The following GPC5 variants were observed in gnomAD, a reference collection of about 807,000 sequenced individuals.
The protein encoded by GPC5 is glypican 5, also known as glypican-5.
GPC5 carries 47 observed loss-of-function variants against 53.9 expected under a neutral mutation model. The observed-to-expected ratio is 0.87, with a 90% confidence interval of 0.69 to 1.11. The LOEUF is 1.11. Among genes scored for constraint, GPC5 ranks in the 50% most tolerant of loss-of-function variants. The pLI, the probability that GPC5 is intolerant of heterozygous loss-of-function variation, is 0.00. For synonymous variants in GPC5, 286 were observed against 263.3 expected (o/e 1.09, Z -0.84); for missense variants, 748 against 713.1 (o/e 1.05, Z -0.56).
chr13:92,148,279 G>A (rs975880320), intron 7 of GPC5, among the ~76,000 whole-genome samples: 1 of 151,968 alleles, frequency 6.6e-6, no homozygotes, highest in African/African-American at 2.4e-5. Flanking sequence ...TACTTGAACT[G>A]ATTTTCTGTG....
intron 7 of GPC5, among the ~76,000 whole-genome samples, chr13:92,459,133 A>C (rs1878385584): frequency 6.6e-6 from 1 of 152,196 alleles, no homozygotes; most frequent in Non-Finnish European, 1.5e-5. Flanking sequence ...TATCAAAGTG[A>C]AACAGATTTG....
At chr13:91,946,063 G>T (rs762734767) in intron 6 of GPC5, among the ~76,000 whole-genome samples, 6 of 152,022 alleles carry the variant, frequency 3.9e-5, no homozygotes, top group Admixed American at 3.3e-4. Context: ...GTATTTGCTT[G>T]TGAGTCTCTA....
chr13:92,118,431 T>TTC (rs1202327979), intron 6 of GPC5, among the ~76,000 whole-genome samples: 1 of 152,144 alleles, frequency 6.6e-6, no homozygotes, highest in Non-Finnish European at 1.5e-5. Context: ...ATGAGAGAGA[T>TTC]TCTCTCTCTC....
At chr13:91,619,695 G>T (rs1466925833) in intron 2 of GPC5, among the ~76,000 whole-genome samples, 1 of 152,112 alleles carries the variant, frequency 6.6e-6, no homozygotes, top group Admixed American at 6.6e-5. Flanking sequence ...ATCTGTATAA[G>T]AATGTGTGAA....
intron 2 of GPC5, among the ~76,000 whole-genome samples, chr13:91,595,265 C>T (rs951662447): frequency 2.6e-5 from 4 of 152,046 alleles, no homozygotes; most frequent in South Asian, 2.1e-4. Flanking sequence ...CCACCTGCCT[C>T]GGCCTTCCAA....
chr13:92,532,420 A>G (rs920105052), intron 7 of GPC5, among the ~76,000 whole-genome samples: 2 of 152,208 alleles, frequency 1.3e-5, no homozygotes, highest in Non-Finnish European at 2.9e-5. Flanking sequence ...CATGCAGTAG[A>G]TTTCAATGAA....
intron 6 of GPC5, among the ~76,000 whole-genome samples, chr13:92,119,042 C>T (rs1334301362): frequency 6.6e-6 from 1 of 152,200 alleles, no homozygotes; most frequent in African/African-American, 2.4e-5. Flanking sequence ...ATACTCAAGA[C>T]TGGGTAATTT....
intron 2 of GPC5, among the ~76,000 whole-genome samples, chr13:91,490,871 CT>C (rs1191890261): frequency 9.2e-5 from 14 of 152,100 alleles, no homozygotes; most frequent in African/African-American, 3.4e-4. Flanking sequence ...CTCTATAGCA[CT>C]TCACCTTTTG....
chr13:92,133,039 ATTTTC>A (rs2041757231), intron 6 of GPC5, among the ~76,000 whole-genome samples: 2 of 152,024 alleles, frequency 1.3e-5, no homozygotes. Context: ...AACAAGATTG[ATTTTC>A]TTTTAAGGTC....
At chr13:92,604,228 T>G (rs1393882880) in intron 7 of GPC5, among the ~76,000 whole-genome samples, 1 of 152,182 alleles carries the variant, frequency 6.6e-6, no homozygotes, top group East Asian at 1.9e-4. Context: ...AACATTTCTT[T>G]TGGATAAAAA....
At chr13:91,908,643 T>A (rs1232649177) in intron 6 of GPC5, among the ~76,000 whole-genome samples, 1 of 152,116 alleles carries the variant, frequency 6.6e-6, no homozygotes, top group African/African-American at 2.4e-5. Flanking sequence ...AAATGAAGCA[T>A]GAGCATATTT....
At chr13:91,819,932 A>T (rs2038464240) in intron 5 of GPC5, among the ~76,000 whole-genome samples, 1 of 152,176 alleles carries the variant, frequency 6.6e-6, no homozygotes, top group Admixed American at 6.5e-5. Flanking sequence ...TTAACAACTC[A>T]GTGAGTTTGA....
intron 7 of GPC5, among the ~76,000 whole-genome samples, chr13:92,480,618 T>A (rs1021786159): frequency 2.0e-5 from 3 of 152,220 alleles, no homozygotes; most frequent in Non-Finnish European, 4.4e-5. Flanking sequence ...GGTCGCAAGA[T>A]GACAGATTAT....
chr13:91,507,140 C>T (rs1034371315), intron 2 of GPC5, among the ~76,000 whole-genome samples: 1 of 152,012 alleles, frequency 6.6e-6, no homozygotes. Context: ...CTTCTCATAG[C>T]TCTGGAGGCT....
chr13:92,589,097 T>C (rs921137892), intron 7 of GPC5, among the ~76,000 whole-genome samples: 4 of 152,180 alleles, frequency 2.6e-5, no homozygotes, highest in Non-Finnish European at 5.9e-5. Context: ...CTCAGTGAAG[T>C]AAATGTTTCT....
At chr13:92,658,467 C>T (rs1248541753) in intron 7 of GPC5, among the ~76,000 whole-genome samples, 1 of 152,214 alleles carries the variant, frequency 6.6e-6, no homozygotes, top group African/African-American at 2.4e-5. Flanking sequence ...CCTGTTCCAG[C>T]ACTGGACAGC....
At chr13:92,093,968 T>G (rs376082787) in intron 6 of GPC5, among the ~76,000 whole-genome samples, 5 of 152,182 alleles carry the variant, frequency 3.3e-5, no homozygotes, top group Admixed American at 3.3e-4. Context: ...TTTTAGATGA[T>G]TATAAGTTGA....
chr13:92,146,604 T>A (rs979248400), intron 7 of GPC5, among the ~76,000 whole-genome samples: 2 of 152,088 alleles, frequency 1.3e-5, no homozygotes, highest in Admixed American at 6.6e-5. Flanking sequence ...TTTGGGTACA[T>A]CCATCATCTG....
chr13:91,454,396 G>C (rs1052274029), intron 2 of GPC5, among the ~76,000 whole-genome samples: 4 of 152,002 alleles, frequency 2.6e-5, no homozygotes, highest in Non-Finnish European at 4.4e-5. Context: ...ACAGATGATA[G>C]TTATGATAAT....
Sources: allele counts gnomAD v4.1 joint callset (sites outside exome capture counted in the v4.1 genomes callset), GRCh38; gene constraint gnomAD v4.1.1; transcripts MANE v1.5; gene names NCBI Gene and HGNC (gene_info 2026-07-23, HGNC 2026-07-21).